SMARCA1: variants seen among roughly 807,000 people sequenced by gnomAD.
SMARCA1 encodes SWI/SNF-related matrix-associated actin-dependent regulator of chromatin subfamily A member 1.
Under a neutral mutation model 93.6 loss-of-function variants are expected in SMARCA1, and 17 were observed. The ratio of observed to expected loss-of-function variants is 0.18; its 90% CI spans 0.12 to 0.27. SMARCA1 has a LOEUF of 0.27. Ranked by LOEUF, SMARCA1 falls within the 10% of genes least tolerant of loss-of-function variation. SMARCA1 has a pLI of 1.00. For synonymous variants in SMARCA1, 271 were observed against 271.4 expected, an observed-to-expected ratio of 1.00 and a Z score of 0.01; for missense variants, 630 against 819.0, an observed-to-expected ratio of 0.77 and a Z score of 2.82.
At chrX:129,523,065 C>T (rs1234916034) in intron 1 of SMARCA1, 132 bp downstream of exon 1, 18 of 734,517 alleles carry the variant, frequency 2.5e-5, no homozygotes, top group East Asian at 1.1e-4. Flanking sequence ...CGCCGCCGAC[C>T]CCCGCACCCG....
At chrX:129,447,285 G>A in intron 24 of SMARCA1, 52 bp from the exon 25 acceptor site, 1 of 1,095,320 alleles carries the variant, frequency 9.1e-7, no homozygotes, top group Non-Finnish European at 1.2e-6. Flanking sequence ...ATTTTAAATG[G>A]CCCAACAATG....
intron 1 of SMARCA1, among the ~76,000 whole-genome samples, chrX:129,522,374 G>T (rs949838602): frequency 4.5e-5 from 5 of 110,808 alleles, no homozygotes; most frequent in African/African-American, 1.6e-4. Flanking sequence ...CTAGGAGAGG[G>T]AGGCGGAAGC....
chrX:129,483,159 T>C (rs777597860), intron 17 of SMARCA1, among the ~76,000 whole-genome samples: 8 of 112,466 alleles, frequency 7.1e-5, no homozygotes, highest in Non-Finnish European at 1.3e-4. Flanking sequence ...ACCTACTGTA[T>C]TATGTGCAAG....
intron 9 of SMARCA1, among the ~76,000 whole-genome samples, chrX:129,504,530 G>A (rs1934700891): frequency 1.2e-5 from 1 of 81,528 alleles, no homozygotes; most frequent in African/African-American, 5.2e-5. Flanking sequence ...TCTAGAGAGA[G>A]GCTGAGGACA....
Position 129,465,685 on chromosome X carries a change from T to C in SMARCA1, c.2865A>G (p.Gly955=). The C allele has an allele frequency of 8.4e-7, 1 of 1,193,755 alleles. No homozygotes were observed. Among genetic ancestry groups the C allele is most frequent in the Non-Finnish European group, 1.1e-6 (1 of 886,862 alleles). ...APFHQLRIQY[G]TSKGKNYTEE... The stretch of plus-strand genomic sequence containing the variant: ...CAGTATAGTTCTTTCCTTTGCTGGT[T>C]CCATACTGAATGCGCAACTGATGAA... The change falls in exon 23 of 25, where the codon GGA becomes GGG. Residue 955 remains glycine (G), a synonymous_variant. Coordinates refer to ENST00000371121, the MANE Select transcript of SMARCA1 (RefSeq NM_001282874.2).
chrX:129,454,569 C>T (rs944138103), intron 23 of SMARCA1, among the ~76,000 whole-genome samples: 1 of 111,958 alleles, frequency 8.9e-6, no homozygotes, highest in African/African-American at 3.2e-5. Context: ...TATCCAGAAT[C>T]TACAACTTAA....
At chrX:129,506,710 AAAAAG>A (rs1367101063) in intron 7 of SMARCA1, among the ~76,000 whole-genome samples, 3 of 93,994 alleles carry the variant, frequency 3.2e-5, no homozygotes, top group African/African-American at 9.2e-5. Flanking sequence ...AAAAAAAAAA[AAAAAG>A]GAAGAAGAAT....
At chrX:129,463,494 C>T (rs939521591) in intron 23 of SMARCA1, among the ~76,000 whole-genome samples, 4 of 112,202 alleles carry the variant, frequency 3.6e-5, no homozygotes, top group Non-Finnish European at 7.5e-5. Flanking sequence ...TAAAACAACT[C>T]TTCCCTATAT....
Position 129,511,805 on chromosome X carries a change from C to T in SMARCA1, c.809G>A (p.Arg270Lys). ...VICFVGDKDA[R>K]AAFIRDEMMP... ...TTTTTACACTTGTTTCTCACTTACT[C>T]TGGCATCCTTGTCTCCGACAAAACA... Residue 270 changes from arginine (R) to lysine (K), a missense_variant and splice_region_variant, in exon 6 of 25, where the codon AGA becomes AAA. Physicochemically the swap from Arg to Lys is conservative, Grantham distance 26. Transcript: ENST00000371121. 1 of 1,188,822 alleles carries T rather than the reference C, an allele frequency of 8.4e-7. No homozygotes were observed. Among genetic ancestry groups the T allele is most frequent in the African/African-American group, 1.7e-5 (1 of 57,215 alleles).
intron 23 of SMARCA1, among the ~76,000 whole-genome samples, chrX:129,459,116 T>C (rs997755692): frequency 8.9e-6 from 1 of 112,564 alleles, no homozygotes; most frequent in African/African-American, 3.2e-5. Context: ...TGCTTAAGCA[T>C]TGCTATTTAG....
intron 17 of SMARCA1, among the ~76,000 whole-genome samples, chrX:129,483,535 A>G (rs1223684396): frequency 8.9e-6 from 1 of 112,232 alleles, no homozygotes; most frequent in East Asian, 2.8e-4. Context: ...TTTATAAATA[A>G]CCAATATTTT....
chrX:129,471,523 T>C (rs1279954197), intron 19 of SMARCA1, among the ~76,000 whole-genome samples, 197 bp from the exon 20 acceptor site: 1 of 112,424 alleles, frequency 8.9e-6, no homozygotes, highest in Non-Finnish European at 1.9e-5. Flanking sequence ...CCACATGATA[T>C]TCCATAGTTA....
chrX:129,475,737 G>C (rs1248738197), intron 19 of SMARCA1, among the ~76,000 whole-genome samples: 1 of 112,388 alleles, frequency 8.9e-6, no homozygotes, highest in Admixed American at 9.4e-5. Flanking sequence ...CCATGAAGTA[G>C]TGAAAAACTT....
chrX:129,509,722 A>G (rs1934958498), intron 6 of SMARCA1, among the ~76,000 whole-genome samples: 1 of 111,692 alleles, frequency 9.0e-6, no homozygotes, highest in Non-Finnish European at 1.9e-5. Context: ...AAGGCCCTTG[A>G]AGACTCACTC....
intron 8 of SMARCA1, among the ~76,000 whole-genome samples, chrX:129,505,782 A>G (rs1296974275): frequency 9.0e-6 from 1 of 111,075 alleles, no homozygotes; most frequent in Non-Finnish European, 1.9e-5. Flanking sequence ...CCTTCAACTT[A>G]ATGAAAATAA....
At chrX:129,494,029 G>A (rs1483171937) in intron 12 of SMARCA1, among the ~76,000 whole-genome samples, 3 of 111,850 alleles carry the variant, frequency 2.7e-5, no homozygotes, top group African/African-American at 9.8e-5. Context: ...GGGAAAGCAG[G>A]GCATTTCCAA....
In SMARCA1 at chrX:129,504,555, A is replaced by AC. The variant is rs1247568050; in HGVS notation, c.1167+178_1167+179insG. ...GGCTGAGGACATAGAGGAATAAAAA[A>AC]AAAAAAAAAAAAAAAAAAAAAAAAA... On this transcript the variant is annotated intron_variant, in intron 9 of 24. Transcript: ENST00000371121. Among the ~76,000 whole-genome samples the AC allele has an allele frequency of 2.3e-3, 196 of 86,800 alleles. 1 individual carries two copies. The highest frequency in any genetic ancestry group is 8.9e-3 in the African/African-American group (182 of 20,400). 75.4% of individuals were successfully genotyped at this position (86,800 alleles called of 115,157 possible).
chrX:129,499,230 T>TG (rs753254278), intron 10 of SMARCA1, among the ~76,000 whole-genome samples: 34 of 111,071 alleles, frequency 3.1e-4, no homozygotes, highest in African/African-American at 1.1e-3. Flanking sequence ...TTTGTAGAGA[T>TG]GGGGTCTCAC....
chrX:129,453,494 A>ATTC (rs1932417066), intron 23 of SMARCA1, among the ~76,000 whole-genome samples: 1 of 112,198 alleles, frequency 8.9e-6, no homozygotes, highest in Non-Finnish European at 1.9e-5. Context: ...ATAGGAAGAA[A>ATTC]GGAAGTCAAA....
Sources: allele counts gnomAD v4.1 joint callset (sites outside exome capture counted in the v4.1 genomes callset), GRCh38; gene constraint gnomAD v4.1.1; transcripts MANE v1.5; gene names NCBI Gene and HGNC (gene_info 2026-07-23, HGNC 2026-07-21).